AFF4: variants seen among roughly 807,000 people sequenced by gnomAD.
The protein encoded by AFF4 is ALF transcription elongation factor 4, also known as AF4/FMR2 family member 4.
In AFF4, 13 loss-of-function variants were observed where a neutral mutation model predicts 124.8. The observed-to-expected ratio is 0.10, with a 90% CI of 0.07 to 0.17. The LOEUF (loss-of-function observed/expected upper bound fraction) is 0.17. Among genes scored for constraint, AFF4 ranks in the 10% least tolerant of loss-of-function variants. The pLI is 1.00. For synonymous variants in AFF4, 477 were observed against 496.1 expected (o/e 0.96, Z 0.51); for missense variants, 1,092 against 1,403.8 (o/e 0.78, Z 3.55).
At chr5:132,941,123 G>A (rs1248989933) in intron 1 of AFF4, among the ~76,000 whole-genome samples, 3 of 151,452 alleles carry the variant, frequency 2.0e-5, no homozygotes, top group African/African-American at 4.9e-5. Flanking sequence ...ATATTGGTTC[G>A]ATTTTTTTTG....
At chr5:132,919,535 T>G (rs1021161168) in intron 5 of AFF4, among the ~76,000 whole-genome samples, 7 of 152,156 alleles carry the variant, frequency 4.6e-5, no homozygotes, top group African/African-American at 1.4e-4. Flanking sequence ...TAGATCTAAA[T>G]GTAAAACCTA....
At chr5:132,940,298 G>A (rs1761537275) in intron 1 of AFF4, among the ~76,000 whole-genome samples, 1 of 151,674 alleles carries the variant, frequency 6.6e-6, no homozygotes, top group African/African-American at 2.4e-5. Context: ...AGGAGATTGA[G>A]ATATCCTGGC....
At chr5:132,944,246 A>C (rs972556993) in intron 1 of AFF4, among the ~76,000 whole-genome samples, 3 of 151,788 alleles carry the variant, frequency 2.0e-5, no homozygotes, top group Non-Finnish European at 4.4e-5. Flanking sequence ...CTGAGGCAGG[A>C]GAATGGCGTG....
intron 1 of AFF4, among the ~76,000 whole-genome samples, chr5:132,937,423 C>G (rs1761457659): frequency 1.3e-5 from 2 of 152,140 alleles, no homozygotes; most frequent in African/African-American, 2.4e-5. Flanking sequence ...AGAACCCACC[C>G]CAACAAAACA....
chr5:132,892,674 T>C (rs1369677064), intron 12 of AFF4, among the ~76,000 whole-genome samples: 2 of 152,078 alleles, frequency 1.3e-5, no homozygotes, highest in South Asian at 2.1e-4. Context: ...ATTGAACAAA[T>C]TGATGAATGG....
Position 132,892,290 on chromosome 5 carries a change from C to A in AFF4, c.2511G>T (p.Gln837His). Residue 837 changes from glutamine to histidine, a missense_variant, in exon 13 of 21, where the codon CAG (glutamine) becomes CAT (histidine). Coordinates refer to ENST00000265343, the MANE Select transcript of AFF4 (RefSeq NM_014423.4). The part of the protein sequence containing the change: ...EHGSRKRTIS[Q>H]SSSLKSSSNS... ...TACTGCTTGACTTTAAGGAAGAAGA[C>A]TGACTAATAGTCCTCTTCCGAGAGC... The A allele has an allele frequency of 6.2e-7, 1 of 1,614,158 alleles. No individual in the cohort carries two copies. Among genetic ancestry groups the A allele is most frequent in the South Asian group, 1.1e-5 (1 of 91,084 alleles).
intron 6 of AFF4, among the ~76,000 whole-genome samples, chr5:132,903,152 CA>C (rs1760591922): frequency 6.6e-6 from 1 of 151,966 alleles, no homozygotes; most frequent in Admixed American, 6.6e-5. Flanking sequence ...AAAAAGGAAA[CA>C]AAAAGAAGAG....
At chr5:132,892,079 A>G (rs1419882922) in intron 13 of AFF4, 85 bp downstream of exon 13, 3 of 1,591,304 alleles carry the variant, frequency 1.9e-6, no homozygotes, top group African/African-American at 2.7e-5. Context: ...AGATGTTACA[A>G]TAATTTCAAA....
At chr5:132,884,535 C>T (rs1473393477) in intron 19 of AFF4, among the ~76,000 whole-genome samples, 3 of 152,172 alleles carry the variant, frequency 2.0e-5, no homozygotes, top group East Asian at 3.8e-4. Flanking sequence ...CTACCATGCC[C>T]GGCTTGTTTG....
chr5:132,915,933 G>T (rs1245562856), intron 5 of AFF4, among the ~76,000 whole-genome samples: 2 of 151,824 alleles, frequency 1.3e-5, no homozygotes, highest in African/African-American at 4.8e-5. Context: ...TAGAATTTCT[G>T]ACATTAGAAA....
chr5:132,929,858 A>G (rs1254934891), intron 4 of AFF4, among the ~76,000 whole-genome samples: 1 of 152,228 alleles, frequency 6.6e-6, no homozygotes, highest in Admixed American at 6.5e-5. Context: ...CAAAAGACAT[A>G]TGAGTAGGGA....
intron 19 of AFF4, among the ~76,000 whole-genome samples, chr5:132,884,259 A>G (rs781164378): frequency 3.9e-5 from 6 of 152,230 alleles, no homozygotes; most frequent in South Asian, 4.1e-4. Flanking sequence ...CATATTTTGG[A>G]GACACTCATG....
chr5:132,893,009 C>A (rs2150070154), intron 12 of AFF4, 21 bp downstream of exon 12: 2 of 1,608,954 alleles, frequency 1.2e-6, no homozygotes, highest in Non-Finnish European at 1.7e-6. Flanking sequence ...CACTGGCATG[C>A]AACATGTTTT....
At chr5:132,940,933 A>G (rs557254981) in intron 1 of AFF4, among the ~76,000 whole-genome samples, 1 of 152,220 alleles carries the variant, frequency 6.6e-6, no homozygotes, top group African/African-American at 2.4e-5. Context: ...AGGCTGATGC[A>G]GGAGAAAAGC....
At chr5:132,932,643 T>C (rs1251089262) in intron 3 of AFF4, among the ~76,000 whole-genome samples, 2 of 152,202 alleles carry the variant, frequency 1.3e-5, no homozygotes, top group African/African-American at 2.4e-5. Flanking sequence ...AATCGTACCT[T>C]AGCGATGACC....
intron 5 of AFF4, among the ~76,000 whole-genome samples, chr5:132,910,551 A>G (rs925919319): frequency 1.3e-5 from 2 of 152,204 alleles, no homozygotes; most frequent in Non-Finnish European, 2.9e-5. Context: ...GTAAGTACCT[A>G]TTAAAGTATC....
chr5:132,929,204 C>CAA (rs1371725240), intron 4 of AFF4, among the ~76,000 whole-genome samples: 1 of 151,906 alleles, frequency 6.6e-6, no homozygotes, highest in African/African-American at 2.4e-5. Context: ...GAAAAGGAAA[C>CAA]AAAAATTCAT....
At chr5:132,913,323 T>C (rs1423247664) in intron 5 of AFF4, among the ~76,000 whole-genome samples, 3 of 152,144 alleles carry the variant, frequency 2.0e-5, no homozygotes, top group Non-Finnish European at 4.4e-5. Context: ...AATCCAAAAT[T>C]ATAGTTGGAG....
intron 5 of AFF4, among the ~76,000 whole-genome samples, chr5:132,905,167 C>T (rs1392388814): frequency 6.6e-6 from 1 of 151,862 alleles, no homozygotes; most frequent in East Asian, 1.9e-4. Flanking sequence ...ACATTAGCAA[C>T]GTGAGGAAGA....
Sources: allele counts gnomAD v4.1 joint callset (sites outside exome capture counted in the v4.1 genomes callset), GRCh38; gene constraint gnomAD v4.1.1; transcripts MANE v1.5; gene names NCBI Gene and HGNC (gene_info 2026-07-23, HGNC 2026-07-21).